Variants in COP1 observed in about 807,000 individuals in gnomAD.
COP1 encodes the protein E3 ubiquitin-protein ligase COP1.
Under a neutral mutation model 101.3 loss-of-function variants are expected in COP1, and 24 were observed. The observed-to-expected ratio is 0.24, with a 90% CI of 0.17 to 0.33. The LOEUF (loss-of-function observed/expected upper bound fraction) is 0.33. Among genes scored for constraint, COP1 ranks in the 10% least tolerant of loss-of-function variants. The pLI, the probability that COP1 is intolerant of heterozygous loss-of-function variation, is 1.00. For missense variants in COP1, 663 were observed against 906.2 expected, an observed-to-expected ratio of 0.73 and a Z score of 3.45; for synonymous variants, 347 against 341.9, an observed-to-expected ratio of 1.01 and a Z score of -0.17.
At chr1:175,995,666 C>G (rs996555444) in intron 15 of COP1, among the ~76,000 whole-genome samples, 1 of 152,172 alleles carries the variant, frequency 6.6e-6, no homozygotes, top group East Asian at 1.9e-4. Context: ...ATAAATTCCT[C>G]GACACATACA....
intron 11 of COP1, among the ~76,000 whole-genome samples, chr1:176,079,859 AAAT>A (rs1394283519): frequency 1.3e-5 from 2 of 152,124 alleles, no homozygotes; most frequent in Non-Finnish European, 2.9e-5. Context: ...TAAACATTTC[AAAT>A]AATGACAAAA....
At position 176,151,363 on chromosome 1, in the gene COP1, A is replaced by G. The variant is rs568212668; in HGVS notation, c.763-2289T>C. ...GGAAGGAAAGAAAGAAAAAGAAAGAAAGAAAGAAAGAAAGAAAGAAAGAAA... is the reference window on the plus strand; with the variant it reads ...GGAAGGAAAGAAAGAAAAAGAAAGAGAGAAAGAAAGAAAGAAAGAAAGAAA... On this transcript the variant is annotated intron_variant, in intron 5 of 19. Coordinates refer to ENST00000367669, the MANE Select transcript of COP1 (RefSeq NM_022457.7). Among the ~76,000 whole-genome samples, 166 of 79,586 alleles carry G rather than the reference A, an allele frequency of 2.1e-3. 1 individual carries two copies. The highest frequency in any genetic ancestry group is 5.4e-3 in the African/African-American group (160 of 29,482). The allele number at this position is 79,586 out of a possible 152,430, so 52.2% of individuals were successfully genotyped here.
At chr1:176,028,620 G>T (rs1423875964) in intron 14 of COP1, among the ~76,000 whole-genome samples, 1 of 138,812 alleles carries the variant, frequency 7.2e-6, no homozygotes, top group Non-Finnish European at 1.5e-5. Context: ...ATACTCAGAT[G>T]TAACACAGAC....
intron 18 of COP1, among the ~76,000 whole-genome samples, chr1:175,966,094 A>G (rs1019234048): frequency 1.3e-5 from 2 of 152,134 alleles, no homozygotes; most frequent in African/African-American, 4.8e-5. Context: ...TTCTTTCAGT[A>G]TGTGGTCTTT....
At chr1:175,946,688 G>C (rs1160759987) in intron 19 of COP1, among the ~76,000 whole-genome samples, 2 of 151,884 alleles carry the variant, frequency 1.3e-5, no homozygotes, top group Non-Finnish European at 2.9e-5. Flanking sequence ...ATTTTCAACT[G>C]AACACTAAAA....
At chr1:176,043,990 A>G (rs1671077802) in intron 12 of COP1, among the ~76,000 whole-genome samples, 172 bp from the exon 13 acceptor site, 2 of 152,202 alleles carry the variant, frequency 1.3e-5, no homozygotes, top group Admixed American at 1.3e-4. Context: ...TAATTTTGAA[A>G]TTTTAAAAAT....
intron 2 of COP1, among the ~76,000 whole-genome samples, chr1:176,178,507 A>G (rs1191735961): frequency 6.6e-6 from 1 of 152,062 alleles, no homozygotes; most frequent in African/African-American, 2.4e-5. Flanking sequence ...ACAAAAAATC[A>G]GCAAGTTCAA....
At chr1:176,083,775 G>A (rs1019815590) in intron 10 of COP1, among the ~76,000 whole-genome samples, 3 of 152,132 alleles carry the variant, frequency 2.0e-5, no homozygotes, top group Non-Finnish European at 1.5e-5. Context: ...TAGGTACACC[G>A]TTTCAGAGAA....
chr1:176,043,163 T>G (rs1670937435), intron 14 of COP1, 23 bp downstream of exon 14: 1 of 1,490,154 alleles, frequency 6.7e-7, no homozygotes, highest in Admixed American at 1.7e-5. Flanking sequence ...AAGGAGGTGC[T>G]GAGAAAGAGA....
chr1:176,035,710 C>CAAAAAAAAAAAAAAAAAAAAACA (rs1669389600), intron 14 of COP1, among the ~76,000 whole-genome samples: 1 of 73,110 alleles, frequency 1.4e-5, no homozygotes, highest in African/African-American at 7.1e-5. Flanking sequence ...AAAACGAGAC[C>CAAAAAAAAAAAAAAAAAAAAACA]AAAAAAAAAA....
In COP1 at chr1:176,037,278, G is replaced by A. The variant is rs569784513; in HGVS notation, c.1612+5908C>T. On this transcript the variant is annotated intron_variant, in intron 14 of 19. Coordinates refer to ENST00000367669, the MANE Select transcript of COP1 (RefSeq NM_022457.7). ...AAAAATTAGCCAGGCATGGTGGCGG[G>A]TGCCCGTAGTCCCAGCTACTCGGGA... Among the ~76,000 whole-genome samples the A allele has an allele frequency of 7.2e-5, 11 of 152,024 alleles. No homozygotes were observed. The South Asian group carries it at 8.3e-4, about 11-fold the overall frequency.
chr1:176,067,886 C>A (rs544595535), intron 11 of COP1, among the ~76,000 whole-genome samples: 1 of 152,322 alleles, frequency 6.6e-6, no homozygotes, highest in African/African-American at 2.4e-5. Context: ...TCAGAGCCCA[C>A]GCTCCCACGA....
intron 5 of COP1, among the ~76,000 whole-genome samples, chr1:176,159,184 A>T (rs1693921546): frequency 6.6e-6 from 1 of 152,230 alleles, no homozygotes; most frequent in Non-Finnish European, 1.5e-5. Context: ...TACAAAATAC[A>T]AGCACACACA....
At chr1:176,114,886 T>A (rs942337867) in intron 9 of COP1, among the ~76,000 whole-genome samples, 1 of 152,208 alleles carries the variant, frequency 6.6e-6, no homozygotes, top group East Asian at 1.9e-4. Context: ...TTTAAAGTTA[T>A]ATTGTGATTA....
intron 11 of COP1, among the ~76,000 whole-genome samples, chr1:176,048,596 T>C (rs1671920566): frequency 6.6e-6 from 1 of 152,178 alleles, no homozygotes; most frequent in Non-Finnish European, 1.5e-5. Flanking sequence ...TACTACTTTA[T>C]CTGGTAAAGG....
intron 1 of COP1, among the ~76,000 whole-genome samples, chr1:176,193,818 G>A (rs961513667): frequency 2.6e-5 from 4 of 152,094 alleles, no homozygotes; most frequent in African/African-American, 4.8e-5. Context: ...AGTGCTTAAC[G>A]GGTACAGAGT....
intron 1 of COP1, among the ~76,000 whole-genome samples, chr1:176,202,978 A>G (rs1700426411): frequency 1.3e-5 from 2 of 152,098 alleles, no homozygotes; most frequent in African/African-American, 4.8e-5. Flanking sequence ...GCAGTCACAT[A>G]TTTACTGAAT....
chr1:176,141,486 G>A (rs1690671115), intron 6 of COP1, among the ~76,000 whole-genome samples: 1 of 151,902 alleles, frequency 6.6e-6, no homozygotes, highest in South Asian at 2.1e-4. Context: ...GGGCAACAGA[G>A]CAAGACTCCA....
chr1:175,947,221 C>A lies in COP1; in HGVS notation c.2152G>T (p.Ala718Ser). ...TTAATTGTACCCTGACTGTTAGCAGCAATCAGCACATTGGACTCCTAGAAA... is the reference window on the plus strand; with the variant it reads ...TTAATTGTACCCTGACTGTTAGCAGAAATCAGCACATTGGACTCCTAGAAA... ...LPDGESNVLI[A>S]ANSQGTIKVL... Residue 718 changes from alanine (A) to serine (S), a missense_variant, in exon 19 of 20, where the codon GCT (alanine) becomes TCT (serine). By Grantham distance (99) the Ala-to-Ser change is moderately conservative. Coordinates refer to ENST00000367669, the MANE Select transcript of COP1 (RefSeq NM_022457.7). 6.2e-7 allele frequency: 1 copy of A among 1,610,520 alleles called. No homozygotes were observed. Among genetic ancestry groups the A allele is most frequent in the Non-Finnish European group, 8.5e-7 (1 of 1,176,768 alleles).
Sources: gnomAD v4.1 joint callset for allele counts (sites outside exome capture counted in the v4.1 genomes callset) on GRCh38, gnomAD v4.1.1 for gene constraint, MANE v1.5 for transcripts, NCBI Gene and HGNC (gene_info 2026-07-23, HGNC 2026-07-21) for gene names.